CDH13: variants seen among roughly 807,000 people sequenced by gnomAD.
CDH13 encodes the protein cadherin 13, also known as cadherin-13.
In CDH13, 24 loss-of-function variants were observed where a neutral mutation model predicts 63.8. That is an observed-to-expected ratio of 0.38 (90% CI 0.27 to 0.53). The LOEUF (loss-of-function observed/expected upper bound fraction) is 0.53. Among genes scored for constraint, CDH13 ranks in the 20% least tolerant of loss-of-function variants. CDH13 has a pLI of 0.85. For synonymous variants in CDH13, 503 were observed against 355.3 expected (o/e 1.42, Z -4.67); for missense variants, 1,049 against 903.1 (o/e 1.16, Z -2.07).
intron 2 of CDH13, among the ~76,000 whole-genome samples, chr16:83,007,922 A>G (rs1913713504): frequency 6.6e-6 from 1 of 152,102 alleles, no homozygotes; most frequent in Non-Finnish European, 1.5e-5. Context: ...TGGCCAAACA[A>G]CATTAAGTCA....
chr16:83,308,223 G>C (rs1036347069), intron 5 of CDH13, among the ~76,000 whole-genome samples: 1 of 152,090 alleles, frequency 6.6e-6, no homozygotes, highest in African/African-American at 2.4e-5. Context: ...TCAAATTAAA[G>C]ACTAGCCTTC....
intron 5 of CDH13, among the ~76,000 whole-genome samples, chr16:83,245,643 C>G (rs1016195654): frequency 2.6e-5 from 4 of 152,188 alleles, no homozygotes; most frequent in Admixed American, 1.3e-4. Context: ...ATGCAGTAGA[C>G]TTAGATTACA....
chr16:83,379,241 C>A (rs1250829822), intron 6 of CDH13, among the ~76,000 whole-genome samples: 2 of 152,162 alleles, frequency 1.3e-5, no homozygotes, highest in Non-Finnish European at 2.9e-5. Flanking sequence ...TAGAAGGGCA[C>A]TGACTACCTC....
At chr16:82,897,119 C>G (rs2041298187) in intron 2 of CDH13, among the ~76,000 whole-genome samples, 1 of 152,100 alleles carries the variant, frequency 6.6e-6, no homozygotes, top group Non-Finnish European at 1.5e-5. Flanking sequence ...GGAGTGCTGT[C>G]AGAGAGTACT....
intron 2 of CDH13, among the ~76,000 whole-genome samples, chr16:82,947,052 T>C (rs1319216024): frequency 8.5e-6 from 1 of 117,260 alleles, no homozygotes; most frequent in Admixed American, 8.8e-5. Context: ...GTGTGTGATG[T>C]TGTAAGAAAG....
chr16:82,912,643 T>A (rs9924636), intron 2 of CDH13, among the ~76,000 whole-genome samples: 9 of 152,182 alleles, frequency 5.9e-5, no homozygotes, highest in Admixed American at 5.9e-4. Context: ...TGTTATTGCA[T>A]TGAAAGAGAG....
intron 1 of CDH13, among the ~76,000 whole-genome samples, chr16:82,812,073 G>A (rs1564023): frequency 0.37 from 55,538 of 151,984 alleles, 11,861 homozygotes; most frequent in East Asian, 0.71. Context: ...ACTACAAAAA[G>A]CTGTGCCACC....
chr16:83,285,024 C>G (rs552758704), intron 5 of CDH13, among the ~76,000 whole-genome samples: 2 of 152,204 alleles, frequency 1.3e-5, no homozygotes, highest in African/African-American at 4.8e-5. Context: ...GTTCAGACAC[C>G]TTTTCTGCAC....
At chr16:82,784,278 T>C (rs1380687991) in intron 1 of CDH13, among the ~76,000 whole-genome samples, 3 of 152,204 alleles carry the variant, frequency 2.0e-5, no homozygotes, top group African/African-American at 7.2e-5. Context: ...GACATCCCTG[T>C]CGGCCAGAAT....
chr16:82,682,722 A>G (rs1223754733), intron 1 of CDH13, among the ~76,000 whole-genome samples: 1 of 152,216 alleles, frequency 6.6e-6, no homozygotes, highest in Admixed American at 6.5e-5. Flanking sequence ...GAGCTTTGCT[A>G]ATGGAGATAA....
At chr16:83,665,532 T>C (rs1371169527) in intron 8 of CDH13, among the ~76,000 whole-genome samples, 1 of 152,204 alleles carries the variant, frequency 6.6e-6, no homozygotes, top group Non-Finnish European at 1.5e-5. Context: ...TGATGGTCTC[T>C]CCCCTACCCT....
At chr16:82,908,780 G>A (rs978179086) in intron 2 of CDH13, among the ~76,000 whole-genome samples, 2 of 152,112 alleles carry the variant, frequency 1.3e-5, no homozygotes, top group Non-Finnish European at 2.9e-5. Context: ...ATAATATAGT[G>A]TAATGTTTGC....
rs866723273 is a variant in CDH13, at chr16:83,647,081, A to C, written c.1102-23709A>C. ...ATCCCAGCACTTTGGGAGGCCGAGGAGGGCGGATCACGAGGTCAGGAGATC... is the reference window on the plus strand; with the variant it reads ...ATCCCAGCACTTTGGGAGGCCGAGGCGGGCGGATCACGAGGTCAGGAGATC... On this transcript the variant is annotated intron_variant, in intron 8 of 13. Coordinates refer to ENST00000567109, the MANE Select transcript of CDH13 (RefSeq NM_001257.5). Among the ~76,000 whole-genome samples the C allele has an allele frequency of 8.8e-4, 133 of 151,850 alleles. 1 individual carries two copies. The highest frequency in any genetic ancestry group is 2.8e-3 in the African/African-American group (118 of 41,456).
At chr16:83,771,724 A>G (rs1004525157) in intron 11 of CDH13, among the ~76,000 whole-genome samples, 21 of 152,244 alleles carry the variant, frequency 1.4e-4, no homozygotes, top group African/African-American at 4.8e-4. Context: ...CAAGAGTGAC[A>G]GGCTGTCACT....
chr16:83,132,477 CTT>C (rs2036100972), intron 4 of CDH13, among the ~76,000 whole-genome samples: 1 of 107,214 alleles, frequency 9.3e-6, no homozygotes, highest in Non-Finnish European at 1.7e-5. Flanking sequence ...GAGACAGAGT[CTT>C]TCTCTGTCAC....
chr16:82,838,696 T>G (rs2038875255), intron 1 of CDH13, among the ~76,000 whole-genome samples: 1 of 152,204 alleles, frequency 6.6e-6, no homozygotes, highest in Non-Finnish European at 1.5e-5. Flanking sequence ...CTCAAAGTCA[T>G]TGTGGGGACC....
intron 8 of CDH13, among the ~76,000 whole-genome samples, chr16:83,643,732 C>A (rs1189916563): frequency 6.6e-6 from 1 of 152,192 alleles, no homozygotes; most frequent in Non-Finnish European, 1.5e-5. Context: ...TTCCATCACT[C>A]AGTCCAGGTT....
rs578028145 is a variant in CDH13, at chr16:83,006,904, T to G, written c.158-25106T>G. On this transcript the variant is annotated intron_variant, in intron 2 of 13. Coordinates refer to ENST00000567109, the MANE Select transcript of CDH13 (RefSeq NM_001257.5). ...CTTCAAAACACCCAGTTTTGATTTT[T>G]TTTGTTTGTTTGTTTGTTTGTTTGT... Among the ~76,000 whole-genome samples, 206 of 142,132 alleles carry G rather than the reference T, an allele frequency of 1.4e-3. 12 individuals carry two copies. Among genetic ancestry groups the G allele is most frequent in the Middle Eastern group, 7.1e-3 (2 of 280 alleles). 93.2% of individuals were successfully genotyped at this position (142,132 alleles called of 152,430 possible). A position where few individuals can be genotyped will look rare whatever the true frequency, so the allele number is the denominator to read the frequency against.
At chr16:82,844,820 T>TTA (rs1384750040) in intron 1 of CDH13, 1 of 59,130 alleles carries the variant, frequency 1.7e-5, no homozygotes, top group Non-Finnish European at 4.5e-5. Context: ...TTATTTTTAT[T>TTA]TTTTTTTTGT....
Sources: allele counts gnomAD v4.1 joint callset (sites outside exome capture counted in the v4.1 genomes callset), GRCh38; gene constraint gnomAD v4.1.1; transcripts MANE v1.5; gene names NCBI Gene and HGNC (gene_info 2026-07-23, HGNC 2026-07-21).